HK1: variants seen among roughly 807,000 people sequenced by gnomAD.
HK1 encodes hexokinase 1.
HK1 carries 28 observed loss-of-function variants against 91.6 expected under a neutral mutation model. That is an observed-to-expected ratio of 0.31 (90% CI 0.23 to 0.42). The LOEUF (loss-of-function observed/expected upper bound fraction) is 0.42. HK1 is among the 10% of genes least tolerant of loss of function. The pLI is 1.00. For synonymous variants in HK1, 430 were observed against 468.1 expected (o/e 0.92, Z 1.05); for missense variants, 770 against 1,219.8 (o/e 0.63, Z 5.49).
At chr10:69,322,176 G>A (rs1847071896) in intron 1 of HK1, among the ~76,000 whole-genome samples, 1 of 152,208 alleles carries the variant, frequency 6.6e-6, no homozygotes, top group Non-Finnish European at 1.5e-5. Context: ...AGAAAGATTA[G>A]ACTTCCTTTC....
chr10:69,349,512 G>A (rs756896617), intron 2 of HK1, among the ~76,000 whole-genome samples: 1 of 152,218 alleles, frequency 6.6e-6, no homozygotes, highest in Non-Finnish European at 1.5e-5. Context: ...GCCTGAATGT[G>A]TAAGCCGAGC....
At chr10:69,397,960 T>C (rs1255648397) in intron 16 of HK1, among the ~76,000 whole-genome samples, 1 of 152,256 alleles carries the variant, frequency 6.6e-6, no homozygotes, top group Non-Finnish European at 1.5e-5. Flanking sequence ...CCAGTGAGGA[T>C]AAGTGTGGCC....
upstream of HK1, among the ~76,000 whole-genome samples, chr10:69,313,397 C>A (rs1846472878): frequency 2.0e-5 from 3 of 152,184 alleles, no homozygotes; most frequent in Admixed American, 2.0e-4. Flanking sequence ...GCCACAGGAT[C>A]AAGTGGGTCC....
At chr10:69,311,525 G>A (rs191922055), upstream of HK1, among the ~76,000 whole-genome samples, 4 of 152,308 alleles carry the variant, frequency 2.6e-5, no homozygotes, top group East Asian at 1.9e-4. Context: ...AAAAGATAAC[G>A]ATTTCATTTG....
chr10:69,309,343 G>A (rs1439549427), intron 5 of HK1, among the ~76,000 whole-genome samples: 84 of 150,098 alleles, frequency 5.6e-4, no homozygotes, highest in Non-Finnish European at 3.9e-4. Context: ...CACCACGCCC[G>A]GCTAATTTTT....
chr10:69,293,347 A>G (rs934943263), intron 3 of HK1, among the ~76,000 whole-genome samples: 1 of 152,182 alleles, frequency 6.6e-6, no homozygotes, highest in South Asian at 2.1e-4. Flanking sequence ...TTCCTTTTCC[A>G]TGAAGTATTC....
At chr10:69,271,604 A>G (rs1446865226) in intron 1 of HK1, among the ~76,000 whole-genome samples, 1 of 151,050 alleles carries the variant, frequency 6.6e-6, no homozygotes, top group Non-Finnish European at 1.5e-5. Flanking sequence ...AAGCCTCCTG[A>G]GTAGCTGGGA....
chr10:69,276,090 CAAAAAAAAAAAAAAA>C (rs60324656), intron 1 of HK1, among the ~76,000 whole-genome samples: 3 of 15,932 alleles, frequency 1.9e-4, no homozygotes, highest in South Asian at 5.3e-3. Context: ...AACTCCTTTT[CAAAAAAAAAAAAAAA>C]AAAAAAAAAA....
intron 1 of HK1, among the ~76,000 whole-genome samples, chr10:69,273,468 G>A (rs1217336816): frequency 2.6e-5 from 4 of 152,054 alleles, no homozygotes; most frequent in South Asian, 2.1e-4. Context: ...CGCCCACCTC[G>A]GCCTCCCAAA....
intron 1 of HK1, among the ~76,000 whole-genome samples, chr10:69,274,070 C>T (rs1338952872): frequency 1.4e-4 from 21 of 152,054 alleles, no homozygotes; most frequent in Non-Finnish European, 2.9e-5. Flanking sequence ...AGAGAACACT[C>T]TTTCTTCTCT....
At chr10:69,364,360 A>G (rs1849587429) in intron 3 of HK1, among the ~76,000 whole-genome samples, 1 of 151,880 alleles carries the variant, frequency 6.6e-6, no homozygotes, top group Non-Finnish European at 1.5e-5. Flanking sequence ...TTGCCCTCAG[A>G]GTTTCTGAAA....
intron 4 of HK1, among the ~76,000 whole-genome samples, chr10:69,299,587 G>T (rs192191866): frequency 6.6e-6 from 1 of 151,374 alleles, no homozygotes; most frequent in African/African-American, 2.4e-5. Flanking sequence ...AGTTGGTCTC[G>T]AACTCCTGAC....
upstream of HK1, among the ~76,000 whole-genome samples, chr10:69,313,843 A>C (rs1303523385): frequency 2.0e-5 from 3 of 152,236 alleles, no homozygotes; most frequent in East Asian, 5.8e-4. Context: ...GGCAGGCACA[A>C]ATTTATAAAA....
In HK1 at chr10:69,384,317, C is replaced by T; in HGVS notation, c.1571-16C>T. On this transcript the variant is annotated splice_polypyrimidine_tract_variant and intron_variant, in intron 10 of 17. Transcript: ENST00000359426. The stretch of plus-strand genomic sequence containing the variant: ...TTAGCTGTTTTTGACATTCTTTACG[C>T]TTTTGACTGCAACAGAGAATGGTGA... The T allele has an allele frequency of 6.2e-7, 1 of 1,614,238 alleles. No individual in the cohort carries two copies. The highest frequency in any genetic ancestry group is 1.1e-5 in the South Asian group (1 of 91,088).
At chr10:69,321,512 A>G (rs951161415) in intron 1 of HK1, among the ~76,000 whole-genome samples, 11 of 152,170 alleles carry the variant, frequency 7.2e-5, no homozygotes, top group African/African-American at 2.7e-4. Flanking sequence ...GTGGGCAGCC[A>G]TGATGATTCA....
intron 16 of HK1, among the ~76,000 whole-genome samples, chr10:69,397,428 C>T (rs1840192075): frequency 6.6e-6 from 1 of 151,784 alleles, no homozygotes; most frequent in Non-Finnish European, 1.5e-5. Context: ...AATATAGCTA[C>T]ATAGTGTCTG....
chr10:69,331,843 A>G (rs1221381528), intron 1 of HK1, among the ~76,000 whole-genome samples: 2 of 151,852 alleles, frequency 1.3e-5, no homozygotes, highest in African/African-American at 4.8e-5. Context: ...AGTGCACTGC[A>G]CTCCAGCCTA....
At chr10:69,273,591 A>T (rs1034874096) in intron 1 of HK1, among the ~76,000 whole-genome samples, 15 of 152,164 alleles carry the variant, frequency 9.9e-5, no homozygotes, top group African/African-American at 3.1e-4. Context: ...ACCTCAGGTG[A>T]TCCCCCTGTC....
chr10:69,349,632 A>T (rs1341109951), intron 2 of HK1, among the ~76,000 whole-genome samples: 1 of 152,080 alleles, frequency 6.6e-6, no homozygotes, highest in Non-Finnish European at 1.5e-5. Flanking sequence ...CTCACCCCCA[A>T]CCCCTGAGCT....
Sources: allele counts gnomAD v4.1 joint callset (sites outside exome capture counted in the v4.1 genomes callset), GRCh38; gene constraint gnomAD v4.1.1; transcripts MANE v1.5; gene names NCBI Gene and HGNC (gene_info 2026-07-23, HGNC 2026-07-21).